The following MAP4K4 variants were observed in gnomAD, a reference collection of about 807,000 sequenced individuals.
The protein encoded by MAP4K4 is mitogen-activated protein kinase kinase kinase kinase 4.
MAP4K4 carries 38 observed loss-of-function variants against 189.6 expected under a neutral mutation model. The ratio of observed to expected loss-of-function variants is 0.20; its 90% CI spans 0.15 to 0.26. The LOEUF is 0.26. MAP4K4 is among the 10% of genes least tolerant of loss of function. The pLI, the probability that MAP4K4 is intolerant of heterozygous loss-of-function variation, is 1.00. For synonymous variants in MAP4K4, 610 were observed against 624.3 expected (o/e 0.98, Z 0.34); for missense variants, 1,054 against 1,726.9 (o/e 0.61, Z 6.91).
intron 13 of MAP4K4, among the ~76,000 whole-genome samples, chr2:101,858,301 G>A (rs1272244347): frequency 1.3e-5 from 2 of 152,078 alleles, no homozygotes; most frequent in African/African-American, 4.8e-5. Flanking sequence ...GTGTTTACTT[G>A]TTTTCATTGT....
intron 3 of MAP4K4, among the ~76,000 whole-genome samples, chr2:101,794,623 AAGAC>A (rs1386993348): frequency 1.3e-5 from 2 of 152,188 alleles, no homozygotes; most frequent in African/African-American, 4.8e-5. Flanking sequence ...GCTTGTCTTA[AAGAC>A]AGTCTTCTAC....
At chr2:101,790,969 G>C (rs533325948) in intron 3 of MAP4K4, among the ~76,000 whole-genome samples, 193 bp downstream of exon 3, 8 of 152,108 alleles carry the variant, frequency 5.3e-5, no homozygotes, top group Non-Finnish European at 1.2e-4. Context: ...TAACTAAAAG[G>C]CAGTAGCATT....
At chr2:101,714,004 G>C (rs2047069488) in intron 2 of MAP4K4, among the ~76,000 whole-genome samples, 3 of 152,024 alleles carry the variant, frequency 2.0e-5, no homozygotes, top group African/African-American at 7.2e-5. Context: ...CTTATGACAA[G>C]AGCCAATATT....
exon 27 of MAP4K4, chr2:101,877,067 G>C: frequency 6.2e-7 from 1 of 1,613,998 alleles, no homozygotes; most frequent in Non-Finnish European, 8.5e-7. Flanking sequence ...GCCAAGGGAA[G>C]GTCTATCCTC....
At chr2:101,800,804 A>G (rs1027281626) in intron 3 of MAP4K4, among the ~76,000 whole-genome samples, 1 of 152,198 alleles carries the variant, frequency 6.6e-6, no homozygotes, top group Non-Finnish European at 1.5e-5. Flanking sequence ...GAATAGAAAG[A>G]TTAATTATGC....
At chr2:101,813,492 T>C (rs1300525183) in intron 3 of MAP4K4, among the ~76,000 whole-genome samples, 1 of 152,228 alleles carries the variant, frequency 6.6e-6, no homozygotes, top group Non-Finnish European at 1.5e-5. Context: ...TAATCACATA[T>C]TGAAGATCAT....
At chr2:101,712,249 C>T (rs1311127589) in intron 2 of MAP4K4, among the ~76,000 whole-genome samples, 2 of 151,998 alleles carry the variant, frequency 1.3e-5, no homozygotes, top group African/African-American at 4.8e-5. Flanking sequence ...GGCTGGAGTA[C>T]AGTGGTGCGA....
intron 2 of MAP4K4, among the ~76,000 whole-genome samples, chr2:101,784,764 T>G (rs1375052073): frequency 6.6e-6 from 1 of 152,216 alleles, no homozygotes; most frequent in African/African-American, 2.4e-5. Context: ...TGTTATAGAA[T>G]AGTATACTTG....
chr2:101,725,586 C>T (rs2054857192), intron 2 of MAP4K4, among the ~76,000 whole-genome samples: 1 of 152,196 alleles, frequency 6.6e-6, no homozygotes, highest in Non-Finnish European at 1.5e-5. Flanking sequence ...TGGCCTCTGC[C>T]TTGGCTCTGT....
intron 2 of MAP4K4, among the ~76,000 whole-genome samples, chr2:101,708,655 A>G (rs1380131640): frequency 6.6e-6 from 1 of 152,180 alleles, no homozygotes; most frequent in African/African-American, 2.4e-5. Context: ...ACCCAATTCA[A>G]GCTTACATTT....
At chr2:101,714,972 G>A (rs184430895) in intron 2 of MAP4K4, among the ~76,000 whole-genome samples, 2 of 152,166 alleles carry the variant, frequency 1.3e-5, no homozygotes, top group Non-Finnish European at 2.9e-5. Context: ...GTAAAAATAA[G>A]AGGCTTCAAG....
At chr2:101,831,758 G>T (rs1290152553) in exon 7 of MAP4K4, 2 of 1,605,432 alleles carry the variant, frequency 1.2e-6, no homozygotes, top group Non-Finnish European at 1.7e-6. Context: ...ACAGGACTGT[G>T]GGGCGGAGAA....
At chr2:101,782,210 G>A (rs1265455714) in intron 2 of MAP4K4, among the ~76,000 whole-genome samples, 3 of 152,196 alleles carry the variant, frequency 2.0e-5, no homozygotes, top group East Asian at 3.8e-4. Context: ...ATCTGCTAAC[G>A]CAGCTATGCA....
intron 2 of MAP4K4, among the ~76,000 whole-genome samples, chr2:101,737,453 ATATATATATTTTTTTT>A (rs1389534369): frequency 1.0e-4 from 4 of 39,578 alleles, no homozygotes; most frequent in African/African-American, 5.8e-4. Context: ...ATATATATAT[ATATATATATTTTTTTT>A]TTTTTTTTTT....
At chr2:101,833,872 C>A (rs1173448678) in intron 7 of MAP4K4, among the ~76,000 whole-genome samples, 2 of 152,110 alleles carry the variant, frequency 1.3e-5, no homozygotes, top group Admixed American at 1.3e-4. Flanking sequence ...TGCTTAGTGG[C>A]ATGATTTCAA....
intron 26 of MAP4K4, among the ~76,000 whole-genome samples, chr2:101,876,384 G>A (rs1169970491): frequency 1.3e-5 from 2 of 152,098 alleles, no homozygotes; most frequent in East Asian, 3.9e-4. Context: ...AGAGAAGTAG[G>A]GTGAGTCAAA....
intron 9 of MAP4K4, among the ~76,000 whole-genome samples, chr2:101,836,356 G>C (rs2096752080): frequency 6.6e-6 from 1 of 152,164 alleles, no homozygotes; most frequent in Non-Finnish European, 1.5e-5. Context: ...GGCCAAGGCG[G>C]GGAGGATCAC....
At chr2:101,737,426 GATATATATATATATATATATATAT>G (rs59942464) in intron 2 of MAP4K4, among the ~76,000 whole-genome samples, 1 of 29,996 alleles carries the variant, frequency 3.3e-5, no homozygotes, top group African/African-American at 1.5e-4. Context: ...CCTATTGTGA[GATATATATATATATATATATATAT>G]ATATATATAT....
chr2:101,750,072 T>TA, intron 2 of MAP4K4, among the ~76,000 whole-genome samples: 1 of 150,014 alleles, frequency 6.7e-6, no homozygotes, highest in South Asian at 2.1e-4. Context: ...GGACTGTAAA[T>TA]TAGTTCAACC....
Sources: gnomAD v4.1 joint callset for allele counts (sites outside exome capture counted in the v4.1 genomes callset) on GRCh38, gnomAD v4.1.1 for gene constraint, MANE v1.5 for transcripts, NCBI Gene and HGNC (gene_info 2026-07-23, HGNC 2026-07-21) for gene names.